The following TBC1D5 variants were observed in gnomAD, a reference collection of about 807,000 sequenced individuals.
TBC1D5 encodes the protein TBC1 domain family, member 5.
In TBC1D5, 75 loss-of-function variants were observed where a neutral mutation model predicts 100.3. That is an observed-to-expected ratio of 0.75 (90% CI 0.62 to 0.91). The LOEUF (loss-of-function observed/expected upper bound fraction) is 0.91. Among genes scored for constraint, TBC1D5 ranks in the 40% least tolerant of loss-of-function variants. The pLI is 0.00. For missense variants in TBC1D5, 910 were observed against 942.4 expected (o/e 0.97, Z 0.45); for synonymous variants, 323 against 325.6 (o/e 0.99, Z 0.09).
intron 2 of TBC1D5, among the ~76,000 whole-genome samples, chr3:17,614,503 T>C (rs114500003): frequency 0.1 from 15,472 of 152,270 alleles, 882 homozygotes; most frequent in African/African-American, 0.15. Flanking sequence ...ACAATGTTGA[T>C]TCCTCCTATC....
chr3:17,584,352 A>C (rs1211464906), intron 2 of TBC1D5, among the ~76,000 whole-genome samples: 2 of 152,178 alleles, frequency 1.3e-5, no homozygotes, highest in Admixed American at 1.3e-4. Context: ...CATAAATTTC[A>C]CCTCAATAGA....
At chr3:17,256,469 C>A in intron 16 of TBC1D5, among the ~76,000 whole-genome samples, 1 of 140,454 alleles carries the variant, frequency 7.1e-6, no homozygotes. Context: ...TATATAAACT[C>A]AATGTGTTAT....
At chr3:17,697,057 T>C (rs575828987) in intron 1 of TBC1D5, among the ~76,000 whole-genome samples, 6 of 152,286 alleles carry the variant, frequency 3.9e-5, no homozygotes, top group Non-Finnish European at 5.9e-5. Flanking sequence ...TTCAACAGTA[T>C]TTCATGCTAA....
chr3:17,493,711 G>A (rs531701515), intron 3 of TBC1D5, among the ~76,000 whole-genome samples: 1 of 152,218 alleles, frequency 6.6e-6, no homozygotes, highest in African/African-American at 2.4e-5. Context: ...TCCACTTGGT[G>A]GATATGGCTA....
chr3:17,178,323 C>G (rs2068049079), intron 19 of TBC1D5, among the ~76,000 whole-genome samples: 1 of 152,002 alleles, frequency 6.6e-6, no homozygotes. Flanking sequence ...CCTCGGCCTC[C>G]CAAAGTGCTG....
At chr3:17,431,229 C>T (rs1318410646) in intron 3 of TBC1D5, among the ~76,000 whole-genome samples, 3 of 151,808 alleles carry the variant, frequency 2.0e-5, no homozygotes, top group African/African-American at 7.2e-5. Context: ...GTCAGGTAGC[C>T]GTAACTGTAA....
At chr3:17,189,335 AGCCCATCACC>A (rs2069568747) in intron 18 of TBC1D5, among the ~76,000 whole-genome samples, 1 of 152,232 alleles carries the variant, frequency 6.6e-6, no homozygotes, top group South Asian at 2.1e-4. Flanking sequence ...AAAGCTTAAG[AGCCCATCACC>A]GTCTTAAGCA....
At chr3:17,463,493 A>T (rs952206272) in intron 3 of TBC1D5, among the ~76,000 whole-genome samples, 2 of 152,222 alleles carry the variant, frequency 1.3e-5, no homozygotes, top group African/African-American at 4.8e-5. Context: ...GGACTAGATT[A>T]GGGTGAAGTG....
At chr3:17,526,378 C>T (rs760333427) in intron 2 of TBC1D5, among the ~76,000 whole-genome samples, 10 of 152,030 alleles carry the variant, frequency 6.6e-5, no homozygotes, top group Non-Finnish European at 1.5e-4. Context: ...CCACCAGGCT[C>T]GGTTAATTTC....
intron 8 of TBC1D5, among the ~76,000 whole-genome samples, chr3:17,388,380 G>C (rs1281319619): frequency 6.6e-6 from 1 of 151,920 alleles, no homozygotes; most frequent in African/African-American, 2.4e-5. Context: ...ATTTAATAAA[G>C]ACAAGACAAC....
intron 2 of TBC1D5, among the ~76,000 whole-genome samples, chr3:17,512,107 T>C (rs907548796): frequency 2.0e-5 from 3 of 152,100 alleles, no homozygotes; most frequent in Non-Finnish European, 2.9e-5. Flanking sequence ...GATTACCTTA[T>C]GAAATCATAA....
chr3:17,689,253 A>G, intron 1 of TBC1D5, among the ~76,000 whole-genome samples: 1 of 152,186 alleles, frequency 6.6e-6, no homozygotes, highest in East Asian at 1.9e-4. Flanking sequence ...GACACTCACA[A>G]CAAAGTCCGG....
chr3:17,432,963 C>A (rs1488228128), intron 3 of TBC1D5, among the ~76,000 whole-genome samples: 1 of 152,102 alleles, frequency 6.6e-6, no homozygotes, highest in Non-Finnish European at 1.5e-5. Flanking sequence ...TGTTCCAAAG[C>A]AAAATGAACA....
chr3:17,430,258 C>T (rs1045687608), intron 3 of TBC1D5, among the ~76,000 whole-genome samples: 4 of 151,626 alleles, frequency 2.6e-5, no homozygotes, highest in Admixed American at 2.0e-4. Flanking sequence ...CTATATTATA[C>T]ATTTAAAATA....
At chr3:17,566,438 T>A (rs2096594239) in intron 2 of TBC1D5, among the ~76,000 whole-genome samples, 1 of 151,954 alleles carries the variant, frequency 6.6e-6, no homozygotes, top group Non-Finnish European at 1.5e-5. Context: ...GTTTTGAAGA[T>A]CTGATACACA....
chr3:17,360,480 G>C (rs2091600921), intron 13 of TBC1D5, among the ~76,000 whole-genome samples: 1 of 151,902 alleles, frequency 6.6e-6, no homozygotes, highest in South Asian at 2.1e-4. Flanking sequence ...TATATACCTA[G>C]AATGGCAAAT....
chr3:17,474,878 C>T (rs2095420003), intron 3 of TBC1D5, among the ~76,000 whole-genome samples: 1 of 152,012 alleles, frequency 6.6e-6, no homozygotes, highest in South Asian at 2.1e-4. Flanking sequence ...CTCCAATTCC[C>T]TAGACCTCAA....
chr3:17,178,476 G>A (rs1308797266), intron 19 of TBC1D5, among the ~76,000 whole-genome samples: 2 of 152,108 alleles, frequency 1.3e-5, no homozygotes, highest in Admixed American at 1.3e-4. Context: ...AAAAACATGG[G>A]AGTGCAGATA....
intron 3 of TBC1D5, among the ~76,000 whole-genome samples, chr3:17,472,271 TG>T (rs938189802): frequency 7.2e-5 from 11 of 151,980 alleles, no homozygotes; most frequent in African/African-American, 2.4e-4. Flanking sequence ...CCCGAGTAGC[TG>T]GGACTACAGG....
Sources: allele counts gnomAD v4.1 joint callset (sites outside exome capture counted in the v4.1 genomes callset), GRCh38; gene constraint gnomAD v4.1.1; transcripts MANE v1.5; gene names NCBI Gene and HGNC (gene_info 2026-07-23, HGNC 2026-07-21).